Variants in THSD7B observed in about 807,000 individuals in gnomAD.
THSD7B encodes thrombospondin type-1 domain-containing protein 7B.
Under a neutral mutation model 213.6 loss-of-function variants are expected in THSD7B, and 138 were observed. That is an observed-to-expected ratio of 0.65 (90% CI 0.56 to 0.74). The LOEUF is 0.74. Ranked by LOEUF, THSD7B falls within the 30% of genes least tolerant of loss-of-function variation. The probability of loss-of-function intolerance (pLI) is 0.00; values close to 1 mark genes in which losing one functional copy is unlikely to be tolerated. For missense variants in THSD7B, 1,931 were observed against 1,991.5 expected (o/e 0.97, Z 0.58); for synonymous variants, 742 against 687.0 (o/e 1.08, Z -1.25).
At chr2:137,390,773 G>C (rs2104977918) in intron 12 of THSD7B, among the ~76,000 whole-genome samples, 1 of 152,062 alleles carries the variant, frequency 6.6e-6, no homozygotes, top group East Asian at 1.9e-4. Flanking sequence ...TGTTATTTCT[G>C]TCTATTGAGA....
At chr2:137,565,033 G>A (rs761512648) in intron 16 of THSD7B, among the ~76,000 whole-genome samples, 1 of 152,062 alleles carries the variant, frequency 6.6e-6, no homozygotes, top group Non-Finnish European at 1.5e-5. Flanking sequence ...AAGAAGAGAA[G>A]ACTAGGACAC....
At chr2:137,451,502 C>T (rs1046787847) in intron 15 of THSD7B, among the ~76,000 whole-genome samples, 2 of 151,990 alleles carry the variant, frequency 1.3e-5, no homozygotes, top group South Asian at 2.1e-4. Context: ...CATTCTCAAT[C>T]TTGCCAAATC....
At chr2:136,778,085 G>A (rs1681647001) in intron 1 of THSD7B, among the ~76,000 whole-genome samples, 1 of 152,110 alleles carries the variant, frequency 6.6e-6, no homozygotes, top group African/African-American at 2.4e-5. Context: ...CTGGTTGATG[G>A]AATTATCATG....
intron 12 of THSD7B, among the ~76,000 whole-genome samples, chr2:137,362,815 T>C (rs1685299456): frequency 6.6e-6 from 1 of 152,128 alleles, no homozygotes; most frequent in Non-Finnish European, 1.5e-5. Context: ...CTGTCAATAG[T>C]AGACAGATCA....
chr2:136,952,705 G>A (rs956359609), intron 2 of THSD7B, among the ~76,000 whole-genome samples: 15 of 152,082 alleles, frequency 9.9e-5, no homozygotes, highest in Non-Finnish European at 1.8e-4. Context: ...TTTATGTTGA[G>A]TATGGTAACA....
At chr2:137,350,404 G>T (rs1415889276) in intron 12 of THSD7B, among the ~76,000 whole-genome samples, 10 of 151,744 alleles carry the variant, frequency 6.6e-5, no homozygotes, top group Non-Finnish European at 1.5e-4. Flanking sequence ...GATGTTAAGT[G>T]CAATGGAATA....
intron 12 of THSD7B, among the ~76,000 whole-genome samples, chr2:137,327,085 G>C (rs1227481930): frequency 6.6e-6 from 1 of 152,184 alleles, no homozygotes; most frequent in Non-Finnish European, 1.5e-5. Flanking sequence ...CCTTGGTAGT[G>C]AGTAGTTATT....
At chr2:137,238,564 T>TTTTTTTTTTTTTTTTTC (rs1553481982) in intron 9 of THSD7B, among the ~76,000 whole-genome samples, 1 of 83,408 alleles carries the variant, frequency 1.2e-5, no homozygotes, top group Non-Finnish European at 2.6e-5. Context: ...TTTTTTTTTT[T>TTTTTTTTTTTTTTTTTC]GAGACGGAGT....
intron 7 of THSD7B, among the ~76,000 whole-genome samples, chr2:137,182,596 T>C (rs891686620): frequency 6.6e-6 from 1 of 152,180 alleles, no homozygotes; most frequent in Non-Finnish European, 1.5e-5. Flanking sequence ...TGAGAATCCG[T>C]AGGAGTAACA....
chr2:137,653,669 T>A (rs753018127), intron 21 of THSD7B, among the ~76,000 whole-genome samples: 4 of 150,868 alleles, frequency 2.7e-5, no homozygotes, highest in Non-Finnish European at 4.4e-5. Context: ...GTCTTTGATC[T>A]CCCTAATTCT....
At chr2:137,445,031 G>A (rs1421899711) in intron 14 of THSD7B, among the ~76,000 whole-genome samples, 1 of 151,840 alleles carries the variant, frequency 6.6e-6, no homozygotes, top group African/African-American at 2.4e-5. Flanking sequence ...ATCATCAGAG[G>A]AAATGCAAAT....
At chr2:137,555,010 T>A (rs1244630656) in intron 15 of THSD7B, among the ~76,000 whole-genome samples, 1 of 152,158 alleles carries the variant, frequency 6.6e-6, no homozygotes, top group Non-Finnish European at 1.5e-5. Context: ...GCGCCCACCA[T>A]TGTTGAGGCT....
intron 17 of THSD7B, among the ~76,000 whole-genome samples, chr2:137,593,186 T>C (rs932656364): frequency 3.3e-5 from 5 of 151,962 alleles, no homozygotes; most frequent in African/African-American, 9.7e-5. Context: ...AGACATTTGG[T>C]TCATTTCTAG....
rs979683946 is a variant in THSD7B, at chr2:137,242,624, C to T, written c.2266+52C>T. On this transcript the variant is annotated intron_variant, in intron 10 of 27. Transcript: ENST00000409968. ...TTTCTTCCCTAACCTGATTGTTTCT[C>T]CACATCTAAGTAAGTGAGAGGTTGT... The T allele has an allele frequency of 3.6e-6, 5 of 1,399,178 alleles. No individual in the cohort carries two copies. In the East Asian group the frequency reaches 1.1e-4, roughly 32 times the overall value. The allele number at this position is 1,399,178 out of a possible 1,614,324, so 86.7% of individuals were successfully genotyped here.
rs1244896521 is a variant in THSD7B at position 137,056,578 on chromosome 2, C to G, written c.298C>G (p.His100Asp). 1 of 1,613,892 alleles carries G rather than the reference C, an allele frequency of 6.2e-7. No individual in the cohort carries two copies. The change falls in exon 3 of 28, where the codon CAC becomes GAC. Residue 100 changes from histidine (H) to aspartate (D), a missense_variant. Transcript: ENST00000409968. ...ERSCFRVCDW[H>D]SDLFQWEVSD... ...AAGTTGTTTCCGAGTTTGTGACTGG[C>G]ACAGTGACCTCTTTCAGTGGGAGGT...
intron 12 of THSD7B, among the ~76,000 whole-genome samples, chr2:137,299,110 C>G (rs1683539120): frequency 6.6e-6 from 1 of 152,136 alleles, no homozygotes; most frequent in African/African-American, 2.4e-5. Context: ...CTGCCCAAGA[C>G]CATGGGAACC....
At chr2:137,668,018 A>AT (rs1272226993) in intron 27 of THSD7B, among the ~76,000 whole-genome samples, 157 bp downstream of exon 27, 2 of 152,108 alleles carry the variant, frequency 1.3e-5, no homozygotes, top group African/African-American at 4.8e-5. Context: ...AGGAATCATT[A>AT]TTTTTTTGTT....
At chr2:136,971,650 A>ACACACACACACG (rs1685406301) in intron 2 of THSD7B, among the ~76,000 whole-genome samples, 1 of 150,748 alleles carries the variant, frequency 6.6e-6, no homozygotes. Flanking sequence ...ACACACACAC[A>ACACACACACACG]CACACACACA....
At chr2:137,392,637 T>A (rs1686059894) in intron 12 of THSD7B, among the ~76,000 whole-genome samples, 1 of 152,180 alleles carries the variant, frequency 6.6e-6, no homozygotes, top group East Asian at 1.9e-4. Flanking sequence ...TATGTGTCTT[T>A]AGAGAGAAAG....
Sources: allele counts gnomAD v4.1 joint callset (sites outside exome capture counted in the v4.1 genomes callset), GRCh38; gene constraint gnomAD v4.1.1; transcripts MANE v1.5; gene names NCBI Gene and HGNC (gene_info 2026-07-23, HGNC 2026-07-21).